Variants in GPC5 observed in about 807,000 individuals in gnomAD.
GPC5 encodes the protein glypican 5, also known as glypican-5.
A neutral mutation model predicts 53.9 loss-of-function variants in GPC5; 47 were observed. That is an observed-to-expected ratio of 0.87 (90% CI 0.69 to 1.11). The LOEUF is 1.11. Among genes scored for constraint, GPC5 ranks in the 50% most tolerant of loss-of-function variants. The pLI is 0.00. For missense variants in GPC5, 748 were observed against 713.1 expected (o/e 1.05, Z -0.56); for synonymous variants, 286 against 263.3 (o/e 1.09, Z -0.84).
chr13:91,840,138 G>A (rs1166439870), intron 5 of GPC5, among the ~76,000 whole-genome samples: 1 of 151,564 alleles, frequency 6.6e-6, no homozygotes, highest in African/African-American at 2.4e-5. Context: ...ACTCTTTACT[G>A]AAGTGCTTCA....
At chr13:92,677,145 A>T (rs1239692978) in intron 7 of GPC5, among the ~76,000 whole-genome samples, 2 of 152,140 alleles carry the variant, frequency 1.3e-5, no homozygotes, top group African/African-American at 4.8e-5. Context: ...TGTTATTCTG[A>T]TTATTCTAAT....
intron 5 of GPC5, among the ~76,000 whole-genome samples, chr13:91,829,034 GA>G (rs2038616969): frequency 6.6e-6 from 1 of 151,930 alleles, no homozygotes; most frequent in Non-Finnish European, 1.5e-5. Context: ...GAGAAAGCAT[GA>G]ATTTTACAGT....
chr13:92,028,844 AT>A (rs1200872446), intron 6 of GPC5, among the ~76,000 whole-genome samples: 1 of 152,198 alleles, frequency 6.6e-6, no homozygotes, highest in Non-Finnish European at 1.5e-5. Context: ...GAAAGGCTGT[AT>A]CCTGATTTAT....
At chr13:91,849,607 T>C (rs765787101) in intron 5 of GPC5, among the ~76,000 whole-genome samples, 6 of 152,174 alleles carry the variant, frequency 3.9e-5, no homozygotes, top group Non-Finnish European at 5.9e-5. Flanking sequence ...ATGTATACTC[T>C]TGAGTATCCA....
At chr13:91,408,098 A>G (rs1030490820) in intron 1 of GPC5, among the ~76,000 whole-genome samples, 10 of 151,986 alleles carry the variant, frequency 6.6e-5, no homozygotes, top group African/African-American at 2.4e-4. Flanking sequence ...TTTTTCAAGA[A>G]TACAATATAT....
chr13:91,767,797 G>A (rs1386407352), intron 5 of GPC5, among the ~76,000 whole-genome samples: 4 of 152,170 alleles, frequency 2.6e-5, no homozygotes, highest in Non-Finnish European at 5.9e-5. Flanking sequence ...CACTGAAGTG[G>A]AAACCTAAAG....
At chr13:91,907,643 A>T (rs568320540) in intron 5 of GPC5, among the ~76,000 whole-genome samples, 7 of 151,492 alleles carry the variant, frequency 4.6e-5, no homozygotes, top group Admixed American at 3.3e-4. Context: ...TAACAAAGTG[A>T]GATATATATT....
At chr13:92,245,215 C>T (rs903302845) in intron 7 of GPC5, among the ~76,000 whole-genome samples, 17 of 151,990 alleles carry the variant, frequency 1.1e-4, no homozygotes, top group Non-Finnish European at 1.5e-5. Flanking sequence ...TAATGTCTTC[C>T]AATGCATGCA....
chr13:92,277,688 T>C (rs1381189604), intron 7 of GPC5, among the ~76,000 whole-genome samples: 1 of 151,988 alleles, frequency 6.6e-6, no homozygotes, highest in Non-Finnish European at 1.5e-5. Flanking sequence ...TTGACAGTTT[T>C]TACATTCAAA....
At chr13:92,479,638 G>A (rs990477008) in intron 7 of GPC5, among the ~76,000 whole-genome samples, 1 of 152,114 alleles carries the variant, frequency 6.6e-6, no homozygotes, top group African/African-American at 2.4e-5. Flanking sequence ...TTCCATGAGT[G>A]TAACAGAATG....
intron 5 of GPC5, among the ~76,000 whole-genome samples, chr13:91,794,487 T>C (rs1332090): frequency 0.16 from 25,081 of 152,182 alleles, 2,797 homozygotes; most frequent in Non-Finnish European, 0.24. Context: ...GAAGCTTTCC[T>C]CTTCTGGGTA....
intron 2 of GPC5, among the ~76,000 whole-genome samples, chr13:91,502,236 G>A (rs1304927831): frequency 2.6e-5 from 4 of 152,032 alleles, no homozygotes; most frequent in African/African-American, 4.8e-5. Context: ...CTGTGCAGAA[G>A]CTCTTTAGTT....
chr13:91,919,652 G>T (rs751984633), intron 6 of GPC5, among the ~76,000 whole-genome samples: 1 of 152,038 alleles, frequency 6.6e-6, no homozygotes, highest in Non-Finnish European at 1.5e-5. Context: ...AAAGACAGGC[G>T]TGTATTGCTT....
chr13:91,769,072 G>C (rs575903230), intron 5 of GPC5, among the ~76,000 whole-genome samples: 1 of 152,258 alleles, frequency 6.6e-6, no homozygotes, highest in East Asian at 1.9e-4. Context: ...TTATGTGATC[G>C]TGGGGACTGG....
At chr13:92,422,513 C>CAT (rs1337070766) in intron 7 of GPC5, among the ~76,000 whole-genome samples, 2 of 150,972 alleles carry the variant, frequency 1.3e-5, no homozygotes, top group Non-Finnish European at 3.0e-5. Flanking sequence ...CACACACACA[C>CAT]ACACACACAC....
intron 7 of GPC5, among the ~76,000 whole-genome samples, chr13:92,680,935 C>A (rs953436868): frequency 6.6e-6 from 1 of 152,090 alleles, no homozygotes; most frequent in African/African-American, 2.4e-5. Context: ...TCTTTTGCAC[C>A]TGGATATCCC....
intron 6 of GPC5, among the ~76,000 whole-genome samples, chr13:91,963,918 G>A (rs561325047): frequency 2.6e-5 from 4 of 152,254 alleles, no homozygotes; most frequent in African/African-American, 9.6e-5. Context: ...CTGTTGGTGG[G>A]ACTGTAAACT....
At chr13:92,413,657 A>G (rs1876148741) in intron 7 of GPC5, among the ~76,000 whole-genome samples, 1 of 152,214 alleles carries the variant, frequency 6.6e-6, no homozygotes, top group Non-Finnish European at 1.5e-5. Context: ...TGATTTTATC[A>G]AGAACTGCAG....
At chr13:92,633,700 C>T (rs1304035607) in intron 7 of GPC5, among the ~76,000 whole-genome samples, 2 of 151,750 alleles carry the variant, frequency 1.3e-5, no homozygotes, top group Non-Finnish European at 2.9e-5. Context: ...AATGATGTTG[C>T]TTTTTTCTTT....
Sources: gnomAD v4.1 joint callset for allele counts (sites outside exome capture counted in the v4.1 genomes callset) on GRCh38, gnomAD v4.1.1 for gene constraint, MANE v1.5 for transcripts, NCBI Gene and HGNC (gene_info 2026-07-23, HGNC 2026-07-21) for gene names.